The following UBAP2L variants were observed in gnomAD, a reference collection of about 807,000 sequenced individuals.
The protein encoded by UBAP2L is ubiquitin-associated protein 2-like.
Under a neutral mutation model 130.6 loss-of-function variants are expected in UBAP2L, and 12 were observed. That is an observed-to-expected ratio of 0.09 (90% CI 0.06 to 0.15). The LOEUF (loss-of-function observed/expected upper bound fraction) is 0.15, where lower values mean the gene tolerates loss of function less well. Among genes scored for constraint, UBAP2L ranks in the 10% least tolerant of loss-of-function variants. The pLI, the probability that UBAP2L is intolerant of heterozygous loss-of-function variation, is 1.00. For missense variants in UBAP2L, 965 were observed against 1,332.5 expected, an observed-to-expected ratio of 0.72 and a Z score of 4.29; for synonymous variants, 503 against 524.7, an observed-to-expected ratio of 0.96 and a Z score of 0.57.
intron 20 of UBAP2L, chr1:154,258,704 G>C (rs923432705): frequency 3.3e-6 from 1 of 303,032 alleles, no homozygotes; most frequent in East Asian, 6.9e-5. Flanking sequence ...GGTTGTTCGT[G>C]TATGTTTTGT....
rs1388602590 is a variant in UBAP2L, at chr1:154,259,965, A to G, written c.2514A>G (p.Pro838=). ...TTTTCTAGGATTACTACAGCATCCC[A>G]TTTCCCACACCCACTACTCCGCTGA... ...TRFPLDYYSI[P]FPTPTTPLTG... The change falls in exon 22 of 27, where the codon CCA becomes CCG. Residue 838 remains proline (P), a synonymous_variant. Transcript: ENST00000428931. The G allele has an allele frequency of 1.2e-6, 2 of 1,614,062 alleles. No individual in the cohort carries two copies. Among genetic ancestry groups the G allele is most frequent in the East Asian group, 2.2e-5 (1 of 44,884 alleles).
intron 25 of UBAP2L, among the ~76,000 whole-genome samples, chr1:154,266,938 CTA>C (rs1274336649): frequency 6.6e-6 from 1 of 152,058 alleles, no homozygotes; most frequent in Non-Finnish European, 1.5e-5. Flanking sequence ...TTGAGTAAAT[CTA>C]TAACAGTGGG....
At chr1:154,221,015 C>A (rs1021930414) in intron 1 of UBAP2L, 40 bp downstream of exon 1, 2 of 201,376 alleles carry the variant, frequency 9.9e-6, no homozygotes, top group Admixed American at 6.2e-5. Flanking sequence ...GCGGCGGCGG[C>A]GGCAGCGGCA....
intron 25 of UBAP2L, among the ~76,000 whole-genome samples, chr1:154,268,051 G>T (rs1211212284): frequency 6.6e-6 from 1 of 151,318 alleles, no homozygotes; most frequent in Admixed American, 6.6e-5. Context: ...CACCATGCCC[G>T]GGTAATTTTG....
chr1:154,259,045 T>A lies in UBAP2L; in HGVS notation c.2496+15T>A. ...GATTTCCATTGGTGAGTATGTGGGA[T>A]AGAGCTTTGGAAAAGAAAGTAGTCT... On this transcript the variant is annotated intron_variant, in intron 21 of 26. Coordinates refer to ENST00000428931, the MANE Select transcript of UBAP2L (RefSeq NM_014847.4). The A allele has an allele frequency of 6.2e-7, 1 of 1,611,728 alleles. No individual in the cohort carries two copies. Among genetic ancestry groups the A allele is most frequent in the South Asian group, 1.1e-5 (1 of 91,008 alleles).
At chr1:154,247,781 T>C (rs1483224595) in intron 11 of UBAP2L, among the ~76,000 whole-genome samples, 1 of 152,076 alleles carries the variant, frequency 6.6e-6, no homozygotes, top group Non-Finnish European at 1.5e-5. Flanking sequence ...TAAATACTAT[T>C]CTGTTTTTTT....
At chr1:154,235,431 C>T (rs1056824392) in intron 6 of UBAP2L, 140 bp downstream of exon 6, 6 of 569,752 alleles carry the variant, frequency 1.1e-5, no homozygotes, top group Middle Eastern at 4.2e-4. Flanking sequence ...TAGCTCACTG[C>T]AGCCTCAGAC....
intron 24 of UBAP2L, among the ~76,000 whole-genome samples, chr1:154,265,509 T>G (rs1682988358): frequency 6.6e-6 from 1 of 152,242 alleles, no homozygotes; most frequent in Admixed American, 6.5e-5. Context: ...CTTACTTTTC[T>G]TCACATCTTT....
At chr1:154,221,329 T>G (rs914544668) in intron 1 of UBAP2L, 4 of 152,934 alleles carry the variant, frequency 2.6e-5, no homozygotes, top group Non-Finnish European at 5.8e-5. Flanking sequence ...GGGGGGGCCA[T>G]GCGGCTAGAG....
At chr1:154,269,789 T>G (rs1684341235) in intron 26 of UBAP2L, 1 of 214,764 alleles carries the variant, frequency 4.7e-6, no homozygotes, top group Admixed American at 5.5e-5. Context: ...CCATTATAGG[T>G]GGCTGGAGCT....
rs769464774 is a variant in UBAP2L at position 154,254,852 on chromosome 1, T to G, written c.1871T>G (p.Val624Gly). 21 of 1,605,468 alleles carry G rather than the reference T, an allele frequency of 1.3e-5. No individual in the cohort carries two copies. The East Asian group carries it at 2.9e-4, about 22-fold the overall frequency. Residue 624 changes from valine to glycine, a missense_variant, in exon 16 of 27, where the codon GTG becomes GGG. Physicochemically the swap from Val to Gly is moderately radical, Grantham distance 109 (BLOSUM62 -3). This residue lies in a region of UBAP2L where 393 missense variants were observed against 408.1 expected (regional missense o/e 0.96). Transcript: ENST00000428931. ...TTTTACCAGAATGGCTTCAGTTCTG[T>G]GCAGGCCACGCAGTTACAGACCACA... ...LTQAKNGFSS[V>G]QATQLQTTQS...
At position 154,255,717 on chromosome 1, in the gene UBAP2L, TCAA is replaced by T. The variant is rs1263605116; in HGVS notation, c.2122_2124del (p.Thr708del). The stretch of plus-strand genomic sequence containing the variant: ...TACGCAGCAGAATACCCTTTCATCA[TCAA>T]CATCTTCTGGGCGCACTTCGACATC... On this transcript the variant is annotated inframe_deletion, in exon 18 of 27. Coordinates refer to ENST00000428931, the MANE Select transcript of UBAP2L (RefSeq NM_014847.4). The T allele has an allele frequency of 2.5e-6, 4 of 1,614,208 alleles. No homozygotes were observed. Among genetic ancestry groups the T allele is most frequent in the Non-Finnish European group, 3.4e-6 (4 of 1,180,046 alleles).
chr1:154,236,217 T>C (rs1422707708), intron 6 of UBAP2L, among the ~76,000 whole-genome samples: 3 of 152,052 alleles, frequency 2.0e-5, no homozygotes, highest in African/African-American at 7.2e-5. Context: ...TTTTGTATTT[T>C]TGAGGCAAGG....
intron 11 of UBAP2L, among the ~76,000 whole-genome samples, chr1:154,247,947 A>G (rs1558177424): frequency 6.6e-6 from 1 of 151,568 alleles, no homozygotes; most frequent in Non-Finnish European, 1.5e-5. Context: ...AGGTAATTTT[A>G]ATTGTTTTTA....
Position 154,267,435 on chromosome 1 carries a change from G to A in UBAP2L, c.2970+867G>A, listed in dbSNP as rs1571989182. On this transcript the variant is annotated intron_variant, in intron 25 of 26. Transcript: ENST00000428931. ...TCCCAAAGTGCTAGATTACAGGCGT[G>A]AGCCACTGCACCCAGCGGAGTTACT... is the stretch of plus-strand genomic sequence containing the variant. Among the ~76,000 whole-genome samples the A allele has an allele frequency of 2.6e-5, 4 of 151,724 alleles. 1 individual carries two copies. Among genetic ancestry groups the A allele is most frequent in the African/African-American group, 7.3e-5 (3 of 41,358 alleles).
chr1:154,254,779 C>G (rs1019842311), intron 15 of UBAP2L, 57 bp from the exon 16 acceptor site: 20 of 1,561,092 alleles, frequency 1.3e-5, no homozygotes, highest in Non-Finnish European at 1.6e-5. Context: ...TGCTAACTTT[C>G]CTCATTCACA....
chr1:154,251,861 G>A (rs1677707966), intron 14 of UBAP2L, among the ~76,000 whole-genome samples: 1 of 152,162 alleles, frequency 6.6e-6, no homozygotes, highest in African/African-American at 2.4e-5. Flanking sequence ...TAGGGGCTGG[G>A]TGTGATGGCT....
intron 4 of UBAP2L, among the ~76,000 whole-genome samples, chr1:154,230,094 C>T (rs902851857): frequency 6.6e-6 from 1 of 152,078 alleles, no homozygotes; most frequent in African/African-American, 2.4e-5. Flanking sequence ...GCAAACTCTG[C>T]CTCCTGGGTT....
At position 154,270,512 on chromosome 1, in the gene UBAP2L, C is replaced by T; in HGVS notation, c.*217C>T. The T allele has an allele frequency of 1.4e-6, 2 of 1,447,446 alleles. No individual in the cohort carries two copies. The highest frequency in any genetic ancestry group is 2.6e-5 in the Admixed American group (1 of 38,456). 89.7% of individuals were successfully genotyped at this position (1,447,446 alleles called of 1,614,324 possible). A position where few individuals can be genotyped will look rare whatever the true frequency, so the allele number is the denominator to read the frequency against. Reference sequence around the variant, plus strand: ...ATTTGTATTTTCTCCTTTTTTTTCCCCCTTCCATTCCTTCTCCCCTCTTGC... The same window carrying T: ...ATTTGTATTTTCTCCTTTTTTTTCCTCCTTCCATTCCTTCTCCCCTCTTGC... On this transcript the variant is annotated 3_prime_UTR_variant, in exon 27 of 27. Transcript: ENST00000428931.
Sources: allele counts gnomAD v4.1 joint callset (sites outside exome capture counted in the v4.1 genomes callset), GRCh38; gene constraint gnomAD v4.1.1; regional missense constraint gnomAD v4.1.1; transcripts MANE v1.5; gene names NCBI Gene and HGNC (gene_info 2026-07-23, HGNC 2026-07-21).